NUP210: variants seen among roughly 807,000 people sequenced by gnomAD.
The protein encoded by NUP210 is nucleoporin 210.
In NUP210, 151 loss-of-function variants were observed where a neutral mutation model predicts 196.0. The observed-to-expected ratio is 0.77, with a 90% CI of 0.67 to 0.88. NUP210 has a LOEUF of 0.88. Among genes scored for constraint, NUP210 ranks in the 40% least tolerant of loss-of-function variants. NUP210 has a pLI of 0.00. For synonymous variants in NUP210, 1,070 were observed against 1,052.7 expected (o/e 1.02, Z -0.32); for missense variants, 2,314 against 2,493.7 (o/e 0.93, Z 1.53).
intron 33 of NUP210, among the ~76,000 whole-genome samples, chr3:13,325,594 G>C (rs1223624389): frequency 6.6e-6 from 1 of 152,156 alleles, no homozygotes; most frequent in Non-Finnish European, 1.5e-5. Flanking sequence ...CTTGAACATG[G>C]GGAGACTGAA....
chr3:13,344,979 C>A, intron 20 of NUP210: 1 of 985,446 alleles, frequency 1.0e-6, no homozygotes, highest in South Asian at 4.7e-5. Flanking sequence ...GCTGGTCCTG[C>A]CGGGTGCCAT....
intron 1 of NUP210, among the ~76,000 whole-genome samples, chr3:13,404,864 G>A (rs1191868243): frequency 6.6e-6 from 1 of 152,158 alleles, no homozygotes; most frequent in Non-Finnish European, 1.5e-5. Flanking sequence ...TCTGGGGAGA[G>A]AAGAATTACA....
rs745840712 is a variant in NUP210, at chr3:13,376,392, C to T, written c.1192G>A (p.Glu398Lys). 11 of 1,614,192 alleles carry T rather than the reference C, an allele frequency of 6.8e-6. No individual in the cohort carries two copies. The highest frequency in any genetic ancestry group is 2.2e-5 in the East Asian group (1 of 44,876). Residue 398 changes from glutamate to lysine, a missense_variant, in exon 10 of 40, where the codon GAG (glutamate) becomes AAG (lysine). Physicochemically the swap from Glu to Lys is moderately conservative, Grantham distance 56. Transcript: ENST00000254508. ...IETVLPAEFFEVLSSSQNGSY... is the reference protein window; with the variant it reads ...IETVLPAEFFKVLSSSQNGSY... ...CCATTCTGGGAGGACGAGAGCACCTCGAAGAACTCAGCAGGAAGCACAGTT... is the reference window on the plus strand; with the variant it reads ...CCATTCTGGGAGGACGAGAGCACCTTGAAGAACTCAGCAGGAAGCACAGTT...
chr3:13,396,476 G>A (rs902470816), intron 3 of NUP210, among the ~76,000 whole-genome samples: 10 of 151,728 alleles, frequency 6.6e-5, no homozygotes, highest in African/African-American at 1.9e-4. Flanking sequence ...GGCCAGGTGC[G>A]GTGGCTCATG....
rs1697215298 is a variant in NUP210 at position 13,336,334 on chromosome 3, C to G, written c.3684+453G>C. Among the ~76,000 whole-genome samples the G allele has an allele frequency of 1.3e-5, 2 of 152,178 alleles. 1 individual carries two copies. The highest frequency in any genetic ancestry group is 1.3e-4 in the Admixed American group (2 of 15,288). ...GCTTGCTGGGCAACCCTGGGCAAGT[C>G]CCTTCCCGTTTCTGGCCTCAGTTAA... On this transcript the variant is annotated intron_variant, in intron 27 of 39. Transcript: ENST00000254508.
chr3:13,408,530 C>T (rs1287164617), intron 1 of NUP210, among the ~76,000 whole-genome samples: 1 of 152,182 alleles, frequency 6.6e-6, no homozygotes, highest in Non-Finnish European at 1.5e-5. Flanking sequence ...TGGCTCATGC[C>T]TATAATCCCA....
chr3:13,327,091 C>T (rs1372936459), intron 32 of NUP210, 126 bp downstream of exon 32: 11 of 693,166 alleles, frequency 1.6e-5, no homozygotes, highest in Non-Finnish European at 2.6e-5. Flanking sequence ...AGCACTGCTC[C>T]TGAGTATCCT....
chr3:13,399,001 G>A (rs925531869), intron 2 of NUP210, among the ~76,000 whole-genome samples: 11 of 152,186 alleles, frequency 7.2e-5, no homozygotes, highest in Non-Finnish European at 1.3e-4. Context: ...AGGTGCGGTA[G>A]CTCCCGCCTG....
intron 13 of NUP210, among the ~76,000 whole-genome samples, chr3:13,368,186 C>T (rs1698605533): frequency 6.6e-6 from 1 of 152,140 alleles, no homozygotes; most frequent in Non-Finnish European, 1.5e-5. Flanking sequence ...AGTGAGTCTC[C>T]TACCTCAGCC....
At position 13,352,159 on chromosome 3, in the gene NUP210, G is replaced by A; in HGVS notation, c.2654C>T (p.Ala885Val). 1 of 1,613,658 alleles carries A rather than the reference G, an allele frequency of 6.2e-7. No individual in the cohort carries two copies. The highest frequency in any genetic ancestry group is 8.5e-7 in the Non-Finnish European group (1 of 1,179,898). The change falls in exon 19 of 40, where the codon GCC becomes GTC. Residue 885 changes from alanine (A) to valine (V), a missense_variant. Physicochemically the swap from Ala to Val is moderately conservative, Grantham distance 64. Coordinates refer to ENST00000254508, the MANE Select transcript of NUP210 (RefSeq NM_024923.4). ...CTCCACCAGGATGAGCTCTATGGAG[G>A]CCGACAGAGGCACCAGAGGGTCATG... is the stretch of plus-strand genomic sequence containing the variant. ...QPHDPLVPLS[A>V]SIELILVEDV... is the part of the protein sequence containing the mutation.
chr3:13,414,300 C>A (rs757940529), intron 1 of NUP210, among the ~76,000 whole-genome samples: 1 of 152,264 alleles, frequency 6.6e-6, no homozygotes, highest in Non-Finnish European at 1.5e-5. Context: ...AGAGCTCAGG[C>A]AGAGTGGGGG....
chr3:13,353,000 C>T (rs1698034287), intron 18 of NUP210, among the ~76,000 whole-genome samples: 1 of 152,026 alleles, frequency 6.6e-6, no homozygotes, highest in Non-Finnish European at 1.5e-5. Context: ...AGGCATCAGG[C>T]AGGAGGCCGT....
intron 16 of NUP210, 102 bp from the exon 17 acceptor site, chr3:13,354,209 T>TGG (rs1698087955): frequency 5.1e-6 from 5 of 978,598 alleles, no homozygotes; most frequent in Non-Finnish European, 7.6e-6. Context: ...TGTGGGCTCT[T>TGG]GGGGGTGCTG....
At chr3:13,372,728 G>A (rs1410037898) in intron 12 of NUP210, among the ~76,000 whole-genome samples, 4 of 152,162 alleles carry the variant, frequency 2.6e-5, no homozygotes, top group Non-Finnish European at 5.9e-5. Flanking sequence ...CTCACCTGGC[G>A]AAGCACTGGC....
At chr3:13,367,654 C>T (rs1258302263) in intron 13 of NUP210, among the ~76,000 whole-genome samples, 1 of 152,168 alleles carries the variant, frequency 6.6e-6, no homozygotes, top group Non-Finnish European at 1.5e-5. Context: ...TGGTATTGTT[C>T]CCATAAAGGG....
chr3:13,351,679 T>G, intron 20 of NUP210, 200 bp downstream of exon 20: 2 of 527,578 alleles, frequency 3.8e-6, no homozygotes, highest in Middle Eastern at 3.0e-4. Flanking sequence ...TTTTTTTTTG[T>G]AGAGATGGGG....
intron 1 of NUP210, 121 bp downstream of exon 1, chr3:13,419,939 G>A (rs1700476283): frequency 9.5e-6 from 5 of 526,776 alleles, no homozygotes; most frequent in Admixed American, 5.8e-5. Flanking sequence ...GCAGCCTAGC[G>A]CCCAGCGAGA....
Position 13,420,144 on chromosome 3 carries a change from A to G in NUP210, c.83T>C (p.Leu28Pro). The change falls in exon 1 of 40, where the codon CTC (leucine) becomes CCC (proline). Residue 28 changes from leucine (L) to proline (P), a missense_variant. By Grantham distance (98) the Leu-to-Pro change is moderately conservative (BLOSUM62 -3). Coordinates refer to ENST00000254508, the MANE Select transcript of NUP210 (RefSeq NM_024923.4). The surrounding 1 kb of genome is among the most constrained non-coding windows in gnomAD (Gnocchi z 4.8). ...GGGCAGCAGCACTTTGGGGATGTTG[A>G]GCTTGGCCGCAGCGGCGGAGGGGCC... ...AAGPSAAAAK[L>P]NIPKVLLPFT... is the part of the protein sequence containing the mutation. 1 of 1,324,484 alleles carries G rather than the reference A, an allele frequency of 7.6e-7. No individual in the cohort carries two copies. Among genetic ancestry groups the G allele is most frequent in the Non-Finnish European group, 9.8e-7 (1 of 1,017,626 alleles). 82.0% of individuals were successfully genotyped at this position (1,324,484 alleles called of 1,614,324 possible).
At chr3:13,409,153 G>A (rs1028669189) in intron 1 of NUP210, among the ~76,000 whole-genome samples, 3 of 152,206 alleles carry the variant, frequency 2.0e-5, no homozygotes, top group African/African-American at 7.2e-5. Flanking sequence ...TGCTGGGTTT[G>A]GGCTGCCCAG....
Sources: allele counts gnomAD v4.1 joint callset (sites outside exome capture counted in the v4.1 genomes callset), GRCh38; gene constraint gnomAD v4.1.1; non-coding constraint Gnocchi (gnomAD v3.1); transcripts MANE v1.5; gene names NCBI Gene and HGNC (gene_info 2026-07-23, HGNC 2026-07-21).